NCAM2: variants seen among roughly 807,000 people sequenced by gnomAD.
NCAM2 encodes the protein neural cell adhesion molecule 2.
NCAM2 carries 30 observed loss-of-function variants against 98.1 expected under a neutral mutation model. The ratio of observed to expected loss-of-function variants is 0.31; its 90% CI spans 0.23 to 0.41. The LOEUF (loss-of-function observed/expected upper bound fraction) is 0.41. NCAM2 is among the 10% of genes least tolerant of loss of function. The pLI is 1.00. For synonymous variants in NCAM2, 368 were observed against 342.4 expected, an observed-to-expected ratio of 1.07 and a Z score of -0.83; for missense variants, 867 against 1,005.8, an observed-to-expected ratio of 0.86 and a Z score of 1.87.
chr21:21,426,186 A>C (rs962813996), intron 11 of NCAM2, among the ~76,000 whole-genome samples: 1 of 152,142 alleles, frequency 6.6e-6, no homozygotes, highest in Admixed American at 6.5e-5. Context: ...TAAAATGTGG[A>C]GGGAAACCAG....
intron 12 of NCAM2, among the ~76,000 whole-genome samples, chr21:21,450,367 A>C (rs1321889375): frequency 1.3e-5 from 2 of 151,892 alleles, no homozygotes; most frequent in Non-Finnish European, 2.9e-5. Flanking sequence ...ATTAGGAGAC[A>C]GGGTTTCGCT....
At chr21:21,306,724 A>C (rs577788038) in intron 5 of NCAM2, among the ~76,000 whole-genome samples, 9 of 152,118 alleles carry the variant, frequency 5.9e-5, no homozygotes, top group Non-Finnish European at 1.2e-4. Context: ...AAGAGATTTT[A>C]AAATGTGCAA....
At chr21:21,257,680 T>C (rs2071728088) in intron 1 of NCAM2, among the ~76,000 whole-genome samples, 1 of 152,040 alleles carries the variant, frequency 6.6e-6, no homozygotes, top group Admixed American at 6.6e-5. Flanking sequence ...CCTCCCGGGT[T>C]GAAGCAATTC....
chr21:21,542,070 T>G lies in NCAM2; in HGVS notation c.*4113T>G, dbSNP rs1990253573. 1 of 151,908 alleles carries G rather than the reference T, an allele frequency of 6.6e-6. No individual in the cohort carries two copies. The highest frequency in any genetic ancestry group is 1.5e-5 in the Non-Finnish European group (1 of 67,836). 9.4% of individuals were successfully genotyped at this position (151,908 alleles called of 1,614,324 possible). A position where few individuals can be genotyped will look rare whatever the true frequency, so the allele number is the denominator to read the frequency against. On this transcript the variant is annotated 3_prime_UTR_variant, in exon 18 of 18. Coordinates refer to ENST00000400546, the MANE Select transcript of NCAM2 (RefSeq NM_004540.5). ...TGTCGCAGAAATGAAATACTTCATCTTAGAAGGTAAAATTTTCAAGAAAGT... is the reference window on the plus strand; with the variant it reads ...TGTCGCAGAAATGAAATACTTCATCGTAGAAGGTAAAATTTTCAAGAAAGT...
At chr21:21,310,339 A>G (rs1381793503) in intron 5 of NCAM2, among the ~76,000 whole-genome samples, 2 of 152,158 alleles carry the variant, frequency 1.3e-5, no homozygotes, top group African/African-American at 4.8e-5. Flanking sequence ...TCTCAGGAAC[A>G]TGAAGAATAT....
chr21:21,120,822 G>A (rs553477500), intron 1 of NCAM2, among the ~76,000 whole-genome samples: 5 of 150,840 alleles, frequency 3.3e-5, no homozygotes, highest in African/African-American at 7.3e-5. Context: ...GGGTTCAGTC[G>A]ATTCTCCTGC....
At chr21:21,314,740 A>G (rs73322706) in intron 5 of NCAM2, among the ~76,000 whole-genome samples, 1,985 of 150,150 alleles carry the variant, frequency 0.013, 43 homozygotes, top group African/African-American at 0.047. Context: ...CTGTCAATCA[A>G]TTCAGCACAT....
chr21:21,123,848 C>CTTTTT (rs71193401), intron 1 of NCAM2, among the ~76,000 whole-genome samples: 1,194 of 86,552 alleles, frequency 0.014, 145 homozygotes, highest in Admixed American at 0.049. Flanking sequence ...TTCTTGATTG[C>CTTTTT]TTTTTTTTTT....
chr21:21,308,446 A>G (rs1470040001), intron 5 of NCAM2, among the ~76,000 whole-genome samples: 2 of 152,118 alleles, frequency 1.3e-5, no homozygotes, highest in Non-Finnish European at 2.9e-5. Context: ...ATTATGAATC[A>G]TTATGTTTGC....
At chr21:21,534,888 T>C (rs985024552) in intron 17 of NCAM2, among the ~76,000 whole-genome samples, 1 of 152,112 alleles carries the variant, frequency 6.6e-6, no homozygotes, top group African/African-American at 2.4e-5. Context: ...ATCTGTAATT[T>C]AATGCAAAAG....
At chr21:21,520,941 G>A (rs1988981821) in intron 16 of NCAM2, among the ~76,000 whole-genome samples, 2 of 152,136 alleles carry the variant, frequency 1.3e-5, no homozygotes, top group African/African-American at 4.8e-5. Context: ...GCTTAACCTA[G>A]TTGTTACAAT....
chr21:21,520,466 G>C (rs193063500), intron 16 of NCAM2, among the ~76,000 whole-genome samples: 5 of 152,098 alleles, frequency 3.3e-5, no homozygotes, highest in African/African-American at 4.8e-5. Flanking sequence ...TGTGTAAAAG[G>C]CTTTGTTATA....
chr21:21,325,454 A>G (rs780016525), intron 6 of NCAM2, among the ~76,000 whole-genome samples: 1 of 152,128 alleles, frequency 6.6e-6, no homozygotes, highest in Admixed American at 6.6e-5. Flanking sequence ...TTAATATAGG[A>G]TGTAACAATA....
At chr21:21,101,583 T>G (rs1253786395) in intron 1 of NCAM2, among the ~76,000 whole-genome samples, 2 of 152,060 alleles carry the variant, frequency 1.3e-5, no homozygotes, top group Non-Finnish European at 2.9e-5. Context: ...GTCATTCTGA[T>G]TTAGTAAACA....
At chr21:21,070,026 G>A (rs918974210) in intron 1 of NCAM2, among the ~76,000 whole-genome samples, 2 of 152,060 alleles carry the variant, frequency 1.3e-5, no homozygotes, top group African/African-American at 2.4e-5. Context: ...GTGTATGCAT[G>A]CACGCTGAAT....
At chr21:21,089,297 C>G (rs2065966375) in intron 1 of NCAM2, among the ~76,000 whole-genome samples, 1 of 151,934 alleles carries the variant, frequency 6.6e-6, no homozygotes, top group Admixed American at 6.6e-5. Flanking sequence ...AAAATTTCAT[C>G]GAAAAGAATT....
At chr21:21,294,130 G>A (rs75755555) in intron 5 of NCAM2, among the ~76,000 whole-genome samples, 1,923 of 151,348 alleles carry the variant, frequency 0.013, 42 homozygotes, top group African/African-American at 0.044. Flanking sequence ...GACAGACACC[G>A]CAATTATTTT....
intron 1 of NCAM2, among the ~76,000 whole-genome samples, chr21:21,099,053 A>T (rs1463712110): frequency 6.6e-6 from 1 of 151,824 alleles, no homozygotes; most frequent in Admixed American, 6.6e-5. Context: ...GTGTCAGTGG[A>T]CCTCTGTTAA....
At chr21:21,222,644 C>T (rs2070216746) in intron 1 of NCAM2, among the ~76,000 whole-genome samples, 1 of 152,128 alleles carries the variant, frequency 6.6e-6, no homozygotes, top group Non-Finnish European at 1.5e-5. Flanking sequence ...TATGACAAAA[C>T]TTTAACAAAC....
Sources: gnomAD v4.1 joint callset for allele counts (sites outside exome capture counted in the v4.1 genomes callset) on GRCh38, gnomAD v4.1.1 for gene constraint, MANE v1.5 for transcripts, NCBI Gene and HGNC (gene_info 2026-07-23, HGNC 2026-07-21) for gene names.